The following DPP6 variants were observed in gnomAD, a reference collection of about 807,000 sequenced individuals.
The protein encoded by DPP6 is dipeptidyl peptidase like 6.
In DPP6, 69 loss-of-function variants were observed where a neutral mutation model predicts 122.6. The ratio of observed to expected loss-of-function variants is 0.56; its 90% CI spans 0.46 to 0.69. The LOEUF is 0.69. DPP6 is among the 30% of genes least tolerant of loss of function. The pLI is 0.00. For missense variants in DPP6, 928 were observed against 1,116.9 expected (o/e 0.83, Z 2.41); for synonymous variants, 418 against 433.1 (o/e 0.97, Z 0.43).
chr7:154,632,654 G>A (rs1429624944), intron 5 of DPP6, among the ~76,000 whole-genome samples: 1 of 152,156 alleles, frequency 6.6e-6, no homozygotes, highest in Non-Finnish European at 1.5e-5. Flanking sequence ...ACCTGTGGGA[G>A]TTACTGATAT....
At chr7:154,701,477 T>C (rs1291013352) in intron 7 of DPP6, among the ~76,000 whole-genome samples, 1 of 152,248 alleles carries the variant, frequency 6.6e-6, no homozygotes, top group African/African-American at 2.4e-5. Flanking sequence ...GGCATTTTAA[T>C]TTGGAGAGTT....
intron 7 of DPP6, among the ~76,000 whole-genome samples, chr7:154,700,861 G>A (rs528393460): frequency 6.6e-6 from 1 of 152,004 alleles, no homozygotes; most frequent in Non-Finnish European, 1.5e-5. Context: ...GTGGCCCCTC[G>A]AACCCCATCA....
intron 1 of DPP6, among the ~76,000 whole-genome samples, chr7:153,961,863 G>A (rs1217689634): frequency 2.3e-5 from 3 of 132,168 alleles, no homozygotes; most frequent in Non-Finnish European, 3.1e-5. Context: ...CTGATCTGAC[G>A]GGAGGCAGAG....
intron 1 of DPP6, among the ~76,000 whole-genome samples, chr7:154,223,481 C>G (rs1392697038): frequency 3.4e-5 from 5 of 149,238 alleles, no homozygotes; most frequent in African/African-American, 1.3e-4. Flanking sequence ...TCTCTGAAAC[C>G]TAGGAGTTGG....
chr7:154,776,615 AG>A (rs887584353), intron 10 of DPP6, among the ~76,000 whole-genome samples: 102 of 152,278 alleles, frequency 6.7e-4, no homozygotes, highest in African/African-American at 2.2e-3. Context: ...GTTCTGCAGC[AG>A]GGCTCTGGAA....
At chr7:153,762,202 T>G in the DPP6 span, among the ~76,000 whole-genome samples, 2 of 152,224 alleles carry the variant, frequency 1.3e-5, no homozygotes, top group African/African-American at 4.8e-5. Flanking sequence ...TTTGTATTTG[T>G]AACCACGGAG....
intron 1 of DPP6, among the ~76,000 whole-genome samples, chr7:153,959,955 T>A (rs182391945): frequency 1.3e-5 from 2 of 152,158 alleles, no homozygotes; most frequent in African/African-American, 4.8e-5. Flanking sequence ...AAGTGAGAGA[T>A]GTGTGACTCT....
At chr7:154,264,755 A>G (rs1310806029) in intron 1 of DPP6, among the ~76,000 whole-genome samples, 2 of 151,794 alleles carry the variant, frequency 1.3e-5, no homozygotes, top group African/African-American at 4.8e-5. Context: ...GATGTTAATG[A>G]TGATAGTGAT....
intron 1 of DPP6, among the ~76,000 whole-genome samples, chr7:154,137,641 T>TGGGG (rs1221969502): frequency 4.0e-4 from 11 of 27,274 alleles, no homozygotes; most frequent in South Asian, 1.6e-3. Context: ...GAGGAGATGG[T>TGGGG]GGGGGGGGTG....
intron 10 of DPP6, among the ~76,000 whole-genome samples, chr7:154,781,907 C>T (rs952835867): frequency 2.0e-5 from 3 of 152,208 alleles, no homozygotes; most frequent in Admixed American, 2.0e-4. Context: ...GTGACGGAGA[C>T]AATGCTCTAT....
intron 2 of DPP6, among the ~76,000 whole-genome samples, chr7:154,471,546 G>T (rs967606984): frequency 2.6e-4 from 40 of 152,014 alleles, no homozygotes; most frequent in African/African-American, 5.1e-4. Context: ...GGGGGAAAGG[G>T]CTCCAGCCTA....
At chr7:154,674,460 G>T (rs990432322) in intron 7 of DPP6, among the ~76,000 whole-genome samples, 4 of 152,172 alleles carry the variant, frequency 2.6e-5, no homozygotes, top group Non-Finnish European at 4.4e-5. Flanking sequence ...GGGAGGGCAT[G>T]TGAATTTGGT....
Position 154,431,693 on chromosome 7 carries a change from C to A in DPP6, c.244-14521C>A, listed in dbSNP as rs558829866. Among the ~76,000 whole-genome samples the A allele has an allele frequency of 2.6e-5, 4 of 151,892 alleles. No homozygotes were observed. In the East Asian group the frequency reaches 5.8e-4, roughly 22 times the overall value. ...GGGATGACAGGTGCATGCCACCACG[C>A]CTGGCTAATTTTTGTATTTTTAGTA... On this transcript the variant is annotated intron_variant, in intron 1 of 25. Transcript: ENST00000377770.
chr7:154,060,164 C>T (rs1339085718), intron 1 of DPP6, among the ~76,000 whole-genome samples: 2 of 148,112 alleles, frequency 1.4e-5, no homozygotes, highest in African/African-American at 5.0e-5. Flanking sequence ...GCACCCCCAT[C>T]GCAGGGGGGG....
At chr7:153,910,230 C>CTTTCTTTTTTCTTTT (rs1563224626) in intron 1 of DPP6, among the ~76,000 whole-genome samples, 1 of 113,702 alleles carries the variant, frequency 8.8e-6, no homozygotes, top group African/African-American at 3.4e-5. Flanking sequence ...CACTTTCTTT[C>CTTTCTTTTTTCTTTT]TTTCTTTTTT....
intron 1 of DPP6, among the ~76,000 whole-genome samples, chr7:153,902,376 A>C (rs1202016473): frequency 1.3e-5 from 2 of 152,152 alleles, no homozygotes; most frequent in Non-Finnish European, 2.9e-5. Flanking sequence ...CAAAGTGTCC[A>C]CCGATGTTAG....
At chr7:154,146,662 C>T (rs1482925422) in intron 1 of DPP6, among the ~76,000 whole-genome samples, 1 of 152,370 alleles carries the variant, frequency 6.6e-6, no homozygotes, top group Admixed American at 6.5e-5. Flanking sequence ...TGTTATGCCA[C>T]CTCTATATTT....
At chr7:154,882,146 C>T (rs538376445) in intron 21 of DPP6, among the ~76,000 whole-genome samples, 4 of 152,324 alleles carry the variant, frequency 2.6e-5, no homozygotes, top group African/African-American at 9.6e-5. Flanking sequence ...CAGGGCCTTT[C>T]ATAGTTCACT....
At chr7:154,587,501 T>C (rs929055786) in intron 5 of DPP6, 90 of 805,024 alleles carry the variant, frequency 1.1e-4, no homozygotes, top group Middle Eastern at 9.8e-4. Flanking sequence ...TGCAAAATAT[T>C]GTACCTCTGC....
Sources: allele counts gnomAD v4.1 joint callset (sites outside exome capture counted in the v4.1 genomes callset), GRCh38; gene constraint gnomAD v4.1.1; transcripts MANE v1.5; gene names NCBI Gene and HGNC (gene_info 2026-07-23, HGNC 2026-07-21).